ASTN1: variants seen among roughly 807,000 people sequenced by gnomAD.
The protein encoded by ASTN1 is astrotactin-1.
In ASTN1, 41 loss-of-function variants were observed where a neutral mutation model predicts 140.7. The ratio of observed to expected loss-of-function variants is 0.29; its 90% CI spans 0.23 to 0.38. ASTN1 has a LOEUF of 0.38. Among genes scored for constraint, ASTN1 ranks in the 10% least tolerant of loss-of-function variants. ASTN1 has a pLI of 1.00. For synonymous variants in ASTN1, 640 were observed against 652.2 expected (o/e 0.98, Z 0.29); for missense variants, 1,479 against 1,678.8 (o/e 0.88, Z 2.08).
Position 177,032,742 on chromosome 1 carries a change from G to A in ASTN1, c.579C>T (p.Ala193=). The A allele has an allele frequency of 3.7e-6, 6 of 1,613,844 alleles. No homozygotes were observed. The highest frequency in any genetic ancestry group is 5.1e-6 in the Non-Finnish European group (6 of 1,180,020). Residue 193 remains alanine, a synonymous_variant, in exon 3 of 23, where the codon GCC becomes GCT. Transcript: ENST00000361833. ...RRRVPQPQKS[A]SAEAANEIHY... ...GAATCTCATTGGCTGCCTCAGCACTGGCACTCTTCTGGGGCTGCGGGACCC... is the reference window on the plus strand; with the variant it reads ...GAATCTCATTGGCTGCCTCAGCACTAGCACTCTTCTGGGGCTGCGGGACCC...
intron 8 of ASTN1, among the ~76,000 whole-genome samples, chr1:177,009,919 T>G (rs937100820): frequency 6.6e-6 from 1 of 152,204 alleles, no homozygotes; most frequent in Admixed American, 6.5e-5. Context: ...TTGCCCTCTG[T>G]ATCTGAGATG....
In ASTN1 at chr1:177,024,611, C is replaced by G. The variant is rs761697051; in HGVS notation, c.1242G>C (p.Leu414=). ...VNCPLVVKIT[L]HVPEHLIADG... is the part of the protein sequence containing the mutation. ...CAGCAATCAGGTGCTCAGGGACATG[C>G]AGGGTGATCTTGACAACGAGAGGGC... The change falls in exon 6 of 23, where the codon CTG becomes CTC. Residue 414 remains leucine, a synonymous_variant. Transcript: ENST00000361833. The G allele has an allele frequency of 3.8e-5, 61 of 1,613,942 alleles. 1 individual carries two copies. Among genetic ancestry groups the G allele is most frequent in the Admixed American group, 6.7e-5 (4 of 59,992 alleles).
intron 12 of ASTN1, among the ~76,000 whole-genome samples, chr1:176,947,988 T>C (rs1392832970): frequency 6.6e-6 from 1 of 152,234 alleles, no homozygotes; most frequent in Non-Finnish European, 1.5e-5. Context: ...TATTAAGATA[T>C]AGAGCAAGCT....
At chr1:176,946,377 C>T (rs148525592) in intron 12 of ASTN1, among the ~76,000 whole-genome samples, 60 of 152,228 alleles carry the variant, frequency 3.9e-4, no homozygotes, top group Admixed American at 7.8e-4. Flanking sequence ...TTAGAGTAGC[C>T]TCTCCTCTAA....
In ASTN1 at chr1:176,933,112, C is replaced by T. The variant is rs185473490; in HGVS notation, c.2671+1040G>A. ...AATGAAGGACTGCAGCCACTGTAGC[C>T]CAGACACAAATCTCTTGTTTCTTCT... On this transcript the variant is annotated intron_variant, in intron 16 of 22. Coordinates refer to ENST00000361833, the MANE Select transcript of ASTN1 (RefSeq NM_004319.3). Among the ~76,000 whole-genome samples, 211 of 152,256 alleles carry T rather than the reference C, an allele frequency of 1.4e-3. 1 individual carries two copies. Among genetic ancestry groups the T allele is most frequent in the East Asian group, 5.8e-4 (3 of 5,164 alleles).
intron 9 of ASTN1, among the ~76,000 whole-genome samples, chr1:176,964,337 A>G (rs1441549872): frequency 6.6e-6 from 1 of 152,198 alleles, no homozygotes; most frequent in African/African-American, 2.4e-5. Context: ...CCTCTACTAG[A>G]GGACTTACTC....
rs181299558 is a variant in ASTN1 at position 177,073,387 on chromosome 1, G to A, written c.284-12122C>T. 1.6e-3 allele frequency among the ~76,000 whole-genome samples: 239 copies of A among 151,912 alleles called. 1 individual carries two copies. Among genetic ancestry groups the A allele is most frequent in the Middle Eastern group, 3.4e-3 (1 of 294 alleles). On this transcript the variant is annotated intron_variant, in intron 1 of 22. Coordinates refer to ENST00000361833, the MANE Select transcript of ASTN1 (RefSeq NM_004319.3). ...TAAATCATACCTTCAGGGTTAAGCA[G>A]TACTTCCTTTCATTTGCCCTAAACT...
intron 16 of ASTN1, among the ~76,000 whole-genome samples, chr1:176,900,804 T>G (rs1306997342): frequency 6.6e-6 from 1 of 152,344 alleles, no homozygotes; most frequent in East Asian, 1.9e-4. Flanking sequence ...CTAAATTTAC[T>G]TATTCTCTCA....
intron 1 of ASTN1, among the ~76,000 whole-genome samples, chr1:177,154,672 C>G (rs1683169448): frequency 7.8e-6 from 1 of 128,398 alleles, no homozygotes; most frequent in Non-Finnish European, 1.5e-5. Flanking sequence ...AGAACACATA[C>G]CAAAAAAAAA....
chr1:176,997,505 T>C (rs1055646577), intron 8 of ASTN1, among the ~76,000 whole-genome samples: 7 of 151,646 alleles, frequency 4.6e-5, no homozygotes, highest in African/African-American at 1.7e-4. Flanking sequence ...GAGGAGGTGA[T>C]GGGTTGTGAG....
intron 1 of ASTN1, among the ~76,000 whole-genome samples, chr1:177,114,795 A>C (rs188205854): frequency 1.3e-5 from 2 of 152,214 alleles, no homozygotes; most frequent in Non-Finnish European, 2.9e-5. Flanking sequence ...AATGTTTTAA[A>C]TGTCCTAATT....
intron 1 of ASTN1, among the ~76,000 whole-genome samples, chr1:177,093,953 T>A (rs1191331406): frequency 2.0e-5 from 3 of 152,148 alleles, no homozygotes; most frequent in Non-Finnish European, 4.4e-5. Flanking sequence ...GATCTACATA[T>A]AAATACTGAT....
At chr1:177,145,955 AAG>A (rs1682703535) in intron 1 of ASTN1, among the ~76,000 whole-genome samples, 1 of 152,210 alleles carries the variant, frequency 6.6e-6, no homozygotes, top group African/African-American at 2.4e-5. Context: ...GAGAATCACA[AAG>A]AGCATTTGCT....
chr1:177,002,558 GT>G lies in ASTN1; in HGVS notation c.1523+12232del, dbSNP rs1246679655. ...TGGATTTTCTTCTTTTTGCTGTTTTGTTTTTTTCTAGATTTTTTATCACACG... is the reference window on the plus strand; with the variant it reads ...TGGATTTTCTTCTTTTTGCTGTTTTGTTTTTTCTAGATTTTTTATCACACG... On this transcript the variant is annotated intron_variant, in intron 8 of 22. Transcript: ENST00000361833. 2.0e-5 allele frequency among the ~76,000 whole-genome samples: 3 copies of G among 152,056 alleles called. No homozygotes were observed. In the East Asian group the frequency reaches 5.8e-4, roughly 29 times the overall value.
intron 16 of ASTN1, among the ~76,000 whole-genome samples, chr1:176,901,712 G>C (rs1474390675): frequency 6.6e-6 from 1 of 152,156 alleles, no homozygotes; most frequent in African/African-American, 2.4e-5. Flanking sequence ...CACACAAGGA[G>C]CCCTTCCCAG....
intron 22 of ASTN1, among the ~76,000 whole-genome samples, chr1:176,867,208 A>G (rs1410639982): frequency 6.6e-6 from 1 of 152,202 alleles, no homozygotes; most frequent in Non-Finnish European, 1.5e-5. Flanking sequence ...AGAAATCAAG[A>G]TGATATATGC....
chr1:177,122,931 CCTT>C (rs1450797997), intron 1 of ASTN1, among the ~76,000 whole-genome samples: 1 of 152,142 alleles, frequency 6.6e-6, no homozygotes, highest in Non-Finnish European at 1.5e-5. Flanking sequence ...GAGGCCTCTA[CCTT>C]CTTCTCTCTA....
At chr1:176,913,157 T>C (rs1557954959) in intron 16 of ASTN1, among the ~76,000 whole-genome samples, 1 of 152,206 alleles carries the variant, frequency 6.6e-6, no homozygotes. Flanking sequence ...CTTGCTTTCT[T>C]CTTGTTTAAA....
intron 2 of ASTN1, among the ~76,000 whole-genome samples, chr1:177,036,846 G>T (rs1241581311): frequency 2.6e-5 from 4 of 151,684 alleles, no homozygotes; most frequent in African/African-American, 7.3e-5. Flanking sequence ...TTGAGACAGG[G>T]TCTCACTCTG....
Sources: allele counts gnomAD v4.1 joint callset (sites outside exome capture counted in the v4.1 genomes callset), GRCh38; gene constraint gnomAD v4.1.1; transcripts MANE v1.5; gene names NCBI Gene and HGNC (gene_info 2026-07-23, HGNC 2026-07-21).